The following CLVS1 variants were observed in gnomAD, a reference collection of about 807,000 sequenced individuals.
CLVS1 encodes clavesin 1, also known as clavesin-1.
CLVS1 carries 10 observed loss-of-function variants against 33.1 expected under a neutral mutation model. The observed-to-expected ratio is 0.30, with a 90% CI of 0.19 to 0.51. The LOEUF is 0.51. CLVS1 is among the 20% of genes least tolerant of loss of function. The probability of loss-of-function intolerance (pLI) is 0.97; values close to 1 mark genes in which losing one functional copy is unlikely to be tolerated. For missense variants in CLVS1, 343 were observed against 433.4 expected, an observed-to-expected ratio of 0.79 and a Z score of 1.85; for synonymous variants, 163 against 166.1, an observed-to-expected ratio of 0.98 and a Z score of 0.14.
At chr8:61,013,863 C>T in the CLVS1 span, among the ~76,000 whole-genome samples, 4 of 152,182 alleles carry the variant, frequency 2.6e-5, no homozygotes, top group Non-Finnish European at 4.4e-5. Flanking sequence ...CAAGGTTGGA[C>T]GCAGCCTGTT....
At chr8:61,120,846 C>G (rs988402215) in intron 1 of CLVS1, among the ~76,000 whole-genome samples, 2 of 147,964 alleles carry the variant, frequency 1.4e-5, no homozygotes, top group Non-Finnish European at 3.0e-5. Flanking sequence ...GCCCTGCCCC[C>G]AGAGGTGGAG....
intron 2 of CLVS1, among the ~76,000 whole-genome samples, chr8:61,155,891 C>T (rs1806638100): frequency 6.6e-6 from 1 of 152,138 alleles, no homozygotes. Flanking sequence ...GAGCTCCTCC[C>T]TGAGGGATGT....
chr8:61,026,446 G>C, the CLVS1 span, among the ~76,000 whole-genome samples: 1 of 152,156 alleles, frequency 6.6e-6, no homozygotes, highest in South Asian at 2.1e-4. Context: ...CTGAGGTGAG[G>C]GAATTAATTC....
chr8:61,257,440 T>C (rs1048282722), intron 2 of CLVS1, among the ~76,000 whole-genome samples: 1 of 152,238 alleles, frequency 6.6e-6, no homozygotes, highest in African/African-American at 2.4e-5. Context: ...GATTCAAGCA[T>C]ACTTGAAAAG....
intron 1 of CLVS1, among the ~76,000 whole-genome samples, chr8:61,127,833 A>T (rs537646993): frequency 2.0e-5 from 3 of 152,230 alleles, no homozygotes; most frequent in Non-Finnish European, 2.9e-5. Context: ...TCTATAAACC[A>T]TGTAAGACAA....
intron 3 of CLVS1, among the ~76,000 whole-genome samples, chr8:61,434,029 T>C (rs971172290): frequency 2.0e-5 from 3 of 151,986 alleles, no homozygotes; most frequent in Non-Finnish European, 2.9e-5. Flanking sequence ...GGGTGAAGTC[T>C]GGTAGGATCC....
chr8:61,260,553 TTCTTTCTCTAACAC>T (rs1197597709), intron 2 of CLVS1, among the ~76,000 whole-genome samples: 13 of 152,276 alleles, frequency 8.5e-5, no homozygotes, highest in African/African-American at 2.9e-4. Flanking sequence ...GCTCCATCAT[TTCTTTCTCTAACAC>T]TCTGGATAAA....
intron 2 of CLVS1, among the ~76,000 whole-genome samples, chr8:61,252,781 T>C (rs2978495): frequency 0.63 from 95,658 of 152,050 alleles, 33,193 homozygotes; most frequent in East Asian, 0.97. Flanking sequence ...GGTAAATATT[T>C]CTCCATCCCT....
rs1563395534 is a variant in CLVS1 at position 61,082,498 on chromosome 8, A to AC, written c.-243+25268_-243+25269insC. On this transcript the variant is annotated intron_variant, in intron 1 of 2. Coordinates refer to the CLVS1 transcript ENST00000522621. ...AAACAAAGAAACAAACAAACAAACA[A>AC]AAACAACAACAACAACAAAAAACTG... Among the ~76,000 whole-genome samples the AC allele has an allele frequency of 4.2e-5, 6 of 141,952 alleles. No individual in the cohort carries two copies. The East Asian group carries it at 1.2e-3, about 29-fold the overall frequency. 93.1% of individuals were successfully genotyped at this position (141,952 alleles called of 152,430 possible).
At chr8:60,985,660 T>C in the CLVS1 span, among the ~76,000 whole-genome samples, 1 of 152,144 alleles carries the variant, frequency 6.6e-6, no homozygotes, top group Non-Finnish European at 1.5e-5. Flanking sequence ...AATGAAATAA[T>C]GTTTTGGGGC....
chr8:61,273,839 C>G (rs1409094189), intron 2 of CLVS1: 1 of 154,212 alleles, frequency 6.5e-6, no homozygotes, highest in Non-Finnish European at 1.4e-5. Context: ...AATGCCTCGC[C>G]CTGCTTCGGG....
chr8:61,427,011 T>C (rs1173068679), intron 3 of CLVS1, among the ~76,000 whole-genome samples: 1 of 152,226 alleles, frequency 6.6e-6, no homozygotes, highest in Non-Finnish European at 1.5e-5. Context: ...GTGCTAATTA[T>C]GTAAACCAGA....
At chr8:61,203,412 A>G (rs1391145110) in intron 2 of CLVS1, among the ~76,000 whole-genome samples, 1 of 151,988 alleles carries the variant, frequency 6.6e-6, no homozygotes, top group Admixed American at 6.6e-5. Flanking sequence ...TAAAGATGGA[A>G]CTCCACCCTT....
intron 2 of CLVS1, among the ~76,000 whole-genome samples, chr8:61,323,287 C>T (rs1238961063): frequency 2.0e-5 from 3 of 152,110 alleles, no homozygotes; most frequent in Admixed American, 6.6e-5. Flanking sequence ...AAAGCAGAAG[C>T]TTTGAGGCCG....
chr8:61,411,712 A>G (rs2129604080), intron 3 of CLVS1, among the ~76,000 whole-genome samples: 1 of 152,298 alleles, frequency 6.6e-6, no homozygotes, highest in African/African-American at 2.4e-5. Context: ...TTACTGGATG[A>G]GCCCTGGCCT....
At chr8:61,344,432 A>G (rs1429082350) in intron 2 of CLVS1, among the ~76,000 whole-genome samples, 2 of 152,196 alleles carry the variant, frequency 1.3e-5, no homozygotes, top group Non-Finnish European at 2.9e-5. Context: ...TCGAGAGAGA[A>G]CAATGCAAGA....
At chr8:61,236,606 CT>C (rs965825014) in intron 2 of CLVS1, among the ~76,000 whole-genome samples, 2 of 152,108 alleles carry the variant, frequency 1.3e-5, no homozygotes, top group Non-Finnish European at 2.9e-5. Flanking sequence ...GGTGGGCAGC[CT>C]TTTTCTTTTT....
chr8:61,339,906 A>C (rs2129598089), intron 2 of CLVS1, among the ~76,000 whole-genome samples: 1 of 151,390 alleles, frequency 6.6e-6, no homozygotes. Flanking sequence ...AAAGGGAGGG[A>C]GGGAAAGAAA....
At chr8:61,235,552 A>G (rs1467558221) in intron 2 of CLVS1, among the ~76,000 whole-genome samples, 1 of 152,214 alleles carries the variant, frequency 6.6e-6, no homozygotes, top group African/African-American at 2.4e-5. Flanking sequence ...GCTTCTGAAC[A>G]TGTCTTTCAA....
Sources: gnomAD v4.1 joint callset for allele counts (sites outside exome capture counted in the v4.1 genomes callset) on GRCh38, gnomAD v4.1.1 for gene constraint, MANE v1.5 for transcripts, NCBI Gene and HGNC (gene_info 2026-07-23, HGNC 2026-07-21) for gene names.